The following NRG3 variants were observed in gnomAD, a reference collection of about 807,000 sequenced individuals.
The protein encoded by NRG3 is pro-neuregulin-3, membrane-bound isoform.
Under a neutral mutation model 66.9 loss-of-function variants are expected in NRG3, and 31 were observed. The ratio of observed to expected loss-of-function variants is 0.46; its 90% CI spans 0.35 to 0.63. The LOEUF is 0.63. NRG3 is among the 20% of genes least tolerant of loss of function. The probability of loss-of-function intolerance (pLI) is 0.00; values close to 1 mark genes in which losing one functional copy is unlikely to be tolerated. For synonymous variants in NRG3, 393 were observed against 359.4 expected, an observed-to-expected ratio of 1.09 and a Z score of -1.06; for missense variants, 910 against 878.9, an observed-to-expected ratio of 1.04 and a Z score of -0.45.
intron 1 of NRG3, among the ~76,000 whole-genome samples, chr10:81,987,584 G>T (rs2060574538): frequency 6.6e-6 from 1 of 152,046 alleles, no homozygotes; most frequent in Non-Finnish European, 1.5e-5. Flanking sequence ...GCTTTTGGAG[G>T]GTATGTAATG....
At chr10:82,676,915 G>A (rs1359982570) in intron 2 of NRG3, among the ~76,000 whole-genome samples, 3 of 152,064 alleles carry the variant, frequency 2.0e-5, no homozygotes, top group Non-Finnish European at 2.9e-5. Flanking sequence ...CTTTGAGGCA[G>A]AGAAAACTTC....
intron 1 of NRG3, among the ~76,000 whole-genome samples, chr10:81,904,983 T>C (rs549065453): frequency 2.3e-4 from 35 of 152,316 alleles, no homozygotes; most frequent in South Asian, 1.2e-3. Context: ...TATCTCTTAA[T>C]TCTTAATCCC....
intron 4 of NRG3, among the ~76,000 whole-genome samples, chr10:82,885,485 G>T (rs1842644329): frequency 1.3e-5 from 2 of 152,128 alleles, no homozygotes; most frequent in African/African-American, 2.4e-5. Context: ...ACTATAACAA[G>T]TTGCAATTTC....
chr10:82,694,750 T>A (rs73299669), intron 2 of NRG3, among the ~76,000 whole-genome samples: 8,994 of 152,116 alleles, frequency 0.059, 811 homozygotes, highest in African/African-American at 0.2. Context: ...TTTAACCCTG[T>A]CTCTAAAAGA....
intron 5 of NRG3, among the ~76,000 whole-genome samples, chr10:82,955,728 A>C (rs1923550): frequency 0.39 from 58,412 of 151,656 alleles, 12,251 homozygotes; most frequent in Middle Eastern, 0.49. Context: ...TTTAGATCCC[A>C]AAAAAAGCCT....
At chr10:82,193,850 T>C (rs181398105) in intron 1 of NRG3, among the ~76,000 whole-genome samples, 1 of 152,172 alleles carries the variant, frequency 6.6e-6, no homozygotes, top group Non-Finnish European at 1.5e-5. Context: ...ACCGTAGATA[T>C]AAATGTTGAG....
rs1231055948 is a variant in NRG3, at chr10:82,448,198, A to G, written c.953+89330A>G. On this transcript the variant is annotated intron_variant, in intron 2 of 8. Coordinates refer to ENST00000372141, the MANE Select transcript of NRG3 (RefSeq NM_001010848.4). ...CTATTAGAAACAGGTATTCAATTTT[A>G]CTAGGGAAATGTATAATGTGCTCCA... is the stretch of plus-strand genomic sequence containing the variant. 3.3e-5 allele frequency among the ~76,000 whole-genome samples: 5 copies of G among 152,178 alleles called. No homozygotes were observed. The East Asian group carries it at 5.8e-4, about 18-fold the overall frequency.
chr10:82,157,675 G>C lies in NRG3; in HGVS notation c.824-201064G>C, dbSNP rs76603720. ...GGGAAGCATGGGGAGAATCCAAACA[G>C]AAGGGAGGCAGGGAATAGGCAGAAG... On this transcript the variant is annotated intron_variant, in intron 1 of 8. Coordinates refer to ENST00000372141, the MANE Select transcript of NRG3 (RefSeq NM_001010848.4). Among the ~76,000 whole-genome samples, 581 of 151,724 alleles carry C rather than the reference G, an allele frequency of 3.8e-3. 6 individuals are homozygous for C. Among genetic ancestry groups the C allele is most frequent in the African/African-American group, 0.013 (548 of 41,510 alleles).
At chr10:82,197,991 A>G (rs978275011) in intron 1 of NRG3, among the ~76,000 whole-genome samples, 2 of 152,202 alleles carry the variant, frequency 1.3e-5, no homozygotes, top group African/African-American at 4.8e-5. Flanking sequence ...AAAAAAGAGA[A>G]CATTTAATCA....
At chr10:82,686,018 C>G (rs893960071) in intron 2 of NRG3, among the ~76,000 whole-genome samples, 1 of 152,082 alleles carries the variant, frequency 6.6e-6, no homozygotes, top group African/African-American at 2.4e-5. Flanking sequence ...GGCTATTTTA[C>G]AGTTAACATT....
rs192427043 is a variant in NRG3, at chr10:82,247,378, C to T, written c.824-111361C>T. Among the ~76,000 whole-genome samples, 11 of 152,240 alleles carry T rather than the reference C, an allele frequency of 7.2e-5. No individual in the cohort carries two copies. In the East Asian group the frequency reaches 1.5e-3, roughly 21 times the overall value. On this transcript the variant is annotated intron_variant, in intron 1 of 8. Transcript: ENST00000372141. ...TCTGGGCTGCAGACGGCCACCTTCT[C>T]GCATGTCCCCTCTTAGAAAGAGAAT...
intron 1 of NRG3, among the ~76,000 whole-genome samples, chr10:82,252,371 A>G (rs1431100662): frequency 6.6e-6 from 1 of 152,170 alleles, no homozygotes; most frequent in Non-Finnish European, 1.5e-5. Flanking sequence ...GCTGGTCTTC[A>G]CAAATTTTCT....
At chr10:82,052,559 G>A (rs546843898) in intron 1 of NRG3, among the ~76,000 whole-genome samples, 1 of 152,142 alleles carries the variant, frequency 6.6e-6, no homozygotes, top group Non-Finnish European at 1.5e-5. Context: ...TAGTGACTGA[G>A]CTATTCTATA....
intron 1 of NRG3, among the ~76,000 whole-genome samples, chr10:81,896,351 T>G (rs888608297): frequency 2.6e-5 from 4 of 152,144 alleles, no homozygotes; most frequent in African/African-American, 7.2e-5. Context: ...ACTCTCTCTC[T>G]CACTTTCTCG....
chr10:82,528,076 A>G (rs757993307), intron 2 of NRG3, among the ~76,000 whole-genome samples: 1 of 152,110 alleles, frequency 6.6e-6, no homozygotes, highest in African/African-American at 2.4e-5. Context: ...CAACAATAAT[A>G]TCTCAAAATA....
intron 1 of NRG3, among the ~76,000 whole-genome samples, chr10:82,078,153 C>T (rs1012440069): frequency 3.9e-5 from 6 of 152,016 alleles, no homozygotes; most frequent in African/African-American, 9.7e-5. Context: ...TATTTACCTA[C>T]TCTTGTTATG....
At chr10:82,635,875 GA>G (rs1263101166) in intron 2 of NRG3, among the ~76,000 whole-genome samples, 2 of 152,112 alleles carry the variant, frequency 1.3e-5, no homozygotes, top group Non-Finnish European at 2.9e-5. Flanking sequence ...CAAGTGAGAG[GA>G]AAAAGTAAAA....
chr10:82,479,281 A>G (rs937945947), intron 2 of NRG3, among the ~76,000 whole-genome samples: 1 of 152,128 alleles, frequency 6.6e-6, no homozygotes, highest in Non-Finnish European at 1.5e-5. Flanking sequence ...GGTTATTATG[A>G]GGTTTGGTAC....
chr10:82,258,175 T>G (rs1382471580), intron 1 of NRG3, among the ~76,000 whole-genome samples: 2 of 152,212 alleles, frequency 1.3e-5, no homozygotes, highest in Admixed American at 6.5e-5. Context: ...CAGTTAAAAA[T>G]TATTCCAACC....
Sources: gnomAD v4.1 joint callset for allele counts (sites outside exome capture counted in the v4.1 genomes callset) on GRCh38, gnomAD v4.1.1 for gene constraint, MANE v1.5 for transcripts, NCBI Gene and HGNC (gene_info 2026-07-23, HGNC 2026-07-21) for gene names.